SNRPN: variants seen among roughly 807,000 people sequenced by gnomAD.
The protein encoded by SNRPN is small nuclear ribonucleoprotein polypeptide N.
A neutral mutation model predicts 25.2 loss-of-function variants in SNRPN; 7 were observed. The ratio of observed to expected loss-of-function variants is 0.28; its 90% CI spans 0.16 to 0.52. The LOEUF (loss-of-function observed/expected upper bound fraction) is 0.52, where lower values mean the gene tolerates loss of function less well. SNRPN is among the 20% of genes least tolerant of loss of function. The pLI, the probability that SNRPN is intolerant of heterozygous loss-of-function variation, is 0.96. For missense variants in SNRPN, 196 were observed against 322.5 expected (o/e 0.61, Z 3.00); for synonymous variants, 124 against 110.6 (o/e 1.12, Z -0.76).
At chr15:24,903,415 C>A (rs2058593444) in intron 2 of SNRPN, among the ~76,000 whole-genome samples, 1 of 151,924 alleles carries the variant, frequency 6.6e-6, no homozygotes, top group Admixed American at 6.6e-5. Context: ...GAGGGTTTGG[C>A]AGAGAAAAAA....
chr15:24,936,952 G>A (rs2061269513), intron 3 of SNRPN, among the ~76,000 whole-genome samples: 2 of 152,032 alleles, frequency 1.3e-5, no homozygotes, highest in South Asian at 4.2e-4. Flanking sequence ...AACTTATAAA[G>A]TAATAAAACC....
At chr15:24,860,059 G>C (rs1407058209) in intron 1 of SNRPN, among the ~76,000 whole-genome samples, 2 of 152,110 alleles carry the variant, frequency 1.3e-5, no homozygotes, top group Admixed American at 6.6e-5. Context: ...AGCCCAGTAG[G>C]TCTCATCCTC....
rs146167240 is a variant in SNRPN at position 24,829,526 on chromosome 15, T to A, written c.-686-272T>A. Among the ~76,000 whole-genome samples, 806 of 152,050 alleles carry A rather than the reference T, an allele frequency of 5.3e-3. 9 individuals are homozygous for A. The highest frequency in any genetic ancestry group is 7.6e-3 in the Admixed American group (116 of 15,284). ...GGGCAGACCATGCAGGGACTGGGCA[T>A]GGGGGTGAGGGTGCCGGGCAGCTCA... On this transcript the variant is annotated intron_variant, in intron 1 of 12. Coordinates refer to the SNRPN transcript ENST00000400100.
intron 2 of SNRPN, 102 bp from the exon 3 acceptor site, chr15:24,967,830 G>GAAAA: frequency 1.3e-6 from 1 of 794,450 alleles, no homozygotes; most frequent in Non-Finnish European, 2.0e-6. Flanking sequence ...AAAAAAAAAG[G>GAAAA]AATATCTTCT....
At chr15:24,958,539 C>T (rs1201542875) in intron 1 of SNRPN, among the ~76,000 whole-genome samples, 3 of 124,548 alleles carry the variant, frequency 2.4e-5, no homozygotes, top group Non-Finnish European at 3.2e-5. Context: ...CAGGGTCTCC[C>T]TATGTTGTCC....
intron 1 of SNRPN, among the ~76,000 whole-genome samples, chr15:24,882,823 C>CAAAAAAAAA (rs10543501): frequency 7.9e-6 from 1 of 127,164 alleles, no homozygotes; most frequent in African/African-American, 3.0e-5. Flanking sequence ...GACTCCATCT[C>CAAAAAAAAA]AAAAAAAAAA....
Position 24,907,616 on chromosome 15 carries a change from A to G in SNRPN, c.-504-12395A>G, listed in dbSNP as rs115331523. On this transcript the variant is annotated intron_variant, in intron 2 of 11. Transcript: ENST00000400097. Reference sequence around the variant, plus strand: ...CCATCTCAAAAAAAAGAAAAAAATCATGTTGAAATGTAATCTTCAGTGAAA... The same window carrying G: ...CCATCTCAAAAAAAAGAAAAAAATCGTGTTGAAATGTAATCTTCAGTGAAA... Among the ~76,000 whole-genome samples, 881 of 151,876 alleles carry G rather than the reference A, an allele frequency of 5.8e-3. 5 individuals are homozygous for G. Among genetic ancestry groups the G allele is most frequent in the African/African-American group, 0.02 (840 of 41,434 alleles).
chr15:24,975,516 C>T lies in SNRPN; in HGVS notation c.155+7C>T, dbSNP rs946711001. The T allele has an allele frequency of 2.5e-6, 4 of 1,611,136 alleles. No individual in the cohort carries two copies. Among genetic ancestry groups the T allele is most frequent in the African/African-American group, 1.3e-5 (1 of 74,978 alleles). On this transcript the variant is annotated splice_region_variant and intron_variant, in intron 5 of 9. Transcript: ENST00000390687. ...ATGAGTTCAGAAAGATCAAGTAAGG[C>T]TGATTTGGGCAAATGGGGGTTGGAC...
chr15:24,908,850 T>C lies in SNRPN; in HGVS notation c.-504-11161T>C, dbSNP rs969214250. 9 of 599,300 alleles carry C rather than the reference T, an allele frequency of 1.5e-5. No individual in the cohort carries two copies. The Admixed American group carries it at 2.4e-4, about 16-fold the overall frequency. The allele number at this position is 599,300 out of a possible 1,614,324, so 37.1% of individuals were successfully genotyped here. The stretch of plus-strand genomic sequence containing the variant: ...TAGAGTCTTGGAAAGCTTTTTAATC[T>C]TTTTTTCTTTTTCTTTTTTTTTGCT... On this transcript the variant is annotated intron_variant, in intron 2 of 11. Transcript: ENST00000400097.
chr15:24,975,015 A>G (rs1240669589), intron 4 of SNRPN: 1 of 702,062 alleles, frequency 1.4e-6, no homozygotes, highest in African/African-American at 1.7e-5. Flanking sequence ...TGGCATTAAC[A>G]GTACAGAGAA....
At chr15:24,854,027 A>C (rs1280887850), upstream of SNRPN, among the ~76,000 whole-genome samples, 1 of 152,178 alleles carries the variant, frequency 6.6e-6, no homozygotes, top group East Asian at 1.9e-4. Context: ...TCATTTATTT[A>C]TATCAATATG....
chr15:24,915,329 T>C (rs906002685), intron 2 of SNRPN, among the ~76,000 whole-genome samples: 1 of 152,190 alleles, frequency 6.6e-6, no homozygotes, highest in Non-Finnish European at 1.5e-5. Flanking sequence ...GGTTTCACCA[T>C]GTTGGTCAGG....
intron 2 of SNRPN, among the ~76,000 whole-genome samples, chr15:24,966,473 C>T (rs569632856): frequency 2.0e-5 from 3 of 152,258 alleles, no homozygotes; most frequent in South Asian, 4.1e-4. Flanking sequence ...GATTGAATCA[C>T]TGGACATGTC....
intron 3 of SNRPN, among the ~76,000 whole-genome samples, chr15:24,930,984 T>C (rs1396970592): frequency 1.3e-5 from 2 of 151,458 alleles, no homozygotes; most frequent in Non-Finnish European, 2.9e-5. Flanking sequence ...GGAGCCCTAG[T>C]GGGTGCAGTG....
chr15:24,960,063 G>A (rs1341011203), intron 1 of SNRPN, among the ~76,000 whole-genome samples: 1 of 151,946 alleles, frequency 6.6e-6, no homozygotes, highest in Admixed American at 6.6e-5. Context: ...GCAGGAGCTC[G>A]ACATCAGCCT....
intron 1 of SNRPN, among the ~76,000 whole-genome samples, chr15:24,829,602 T>A (rs1363320329): frequency 2.0e-5 from 3 of 151,818 alleles, no homozygotes; most frequent in Non-Finnish European, 4.4e-5. Flanking sequence ...TGGGGAGGGA[T>A]TTGAATGTCT....
At chr15:24,847,711 A>T (rs1807337025) in intron 2 of SNRPN, among the ~76,000 whole-genome samples, 2 of 152,214 alleles carry the variant, frequency 1.3e-5, no homozygotes, top group Non-Finnish European at 2.9e-5. Flanking sequence ...GTAAACACTC[A>T]GCGAGTCCTG....
intron 1 of SNRPN, among the ~76,000 whole-genome samples, chr15:24,859,150 A>G (rs1016339981): frequency 1.3e-5 from 2 of 152,198 alleles, no homozygotes; most frequent in Non-Finnish European, 2.9e-5. Flanking sequence ...TGGGGCAGGA[A>G]TAAAGACTCT....
upstream of SNRPN, among the ~76,000 whole-genome samples, chr15:24,852,693 G>C (rs1163323280): frequency 6.6e-6 from 1 of 152,218 alleles, no homozygotes; most frequent in African/African-American, 2.4e-5. Context: ...AAGGTGGGCA[G>C]ATTAATTGAA....
Sources: gnomAD v4.1 joint callset for allele counts (sites outside exome capture counted in the v4.1 genomes callset) on GRCh38, gnomAD v4.1.1 for gene constraint, MANE v1.5 for transcripts, NCBI Gene and HGNC (gene_info 2026-07-23, HGNC 2026-07-21) for gene names.